The following CSMD2 variants were observed in gnomAD, a reference collection of about 807,000 sequenced individuals.
The protein encoded by CSMD2 is CUB and Sushi multiple domains 2, also known as CUB and sushi domain-containing protein 2.
CSMD2 carries 130 observed loss-of-function variants against 398.5 expected under a neutral mutation model. The observed-to-expected ratio is 0.33, with a 90% CI of 0.28 to 0.38. CSMD2 has a LOEUF of 0.38. Ranked by LOEUF, CSMD2 falls within the 10% of genes least tolerant of loss-of-function variation. The pLI is 1.00. For missense variants in CSMD2, 3,829 were observed against 4,764.9 expected, an observed-to-expected ratio of 0.80 and a Z score of 5.78; for synonymous variants, 1,828 against 1,908.5, an observed-to-expected ratio of 0.96 and a Z score of 1.10.
chr1:33,821,849 G>T (rs1658191767), intron 7 of CSMD2, among the ~76,000 whole-genome samples: 1 of 152,162 alleles, frequency 6.6e-6, no homozygotes, highest in Non-Finnish European at 1.5e-5. Context: ...CATCGAACAT[G>T]GACCTTCTGA....
chr1:34,153,212 A>T (rs1027630444), intron 1 of CSMD2, among the ~76,000 whole-genome samples: 3 of 152,008 alleles, frequency 2.0e-5, no homozygotes, highest in African/African-American at 4.8e-5. Context: ...AGACAGAGTT[A>T]CACCATGTTG....
At chr1:33,963,552 G>C (rs769746335) in intron 3 of CSMD2, among the ~76,000 whole-genome samples, 5 of 152,108 alleles carry the variant, frequency 3.3e-5, no homozygotes, top group Non-Finnish European at 7.4e-5. Flanking sequence ...ACCCCATGCA[G>C]TCCCTTTCTC....
At chr1:33,792,152 G>A (rs1654398857) in intron 11 of CSMD2, among the ~76,000 whole-genome samples, 1 of 152,118 alleles carries the variant, frequency 6.6e-6, no homozygotes, top group South Asian at 2.1e-4. Flanking sequence ...AAGGCTCCAG[G>A]TTCATCCACA....
At chr1:33,884,647 A>T (rs75313320) in intron 5 of CSMD2, 8,906 of 152,134 alleles carry the variant, frequency 0.059, 479 homozygotes, top group African/African-American at 0.12. Context: ...TCCATCCTGT[A>T]CTCCAGCAGC....
chr1:33,898,952 C>A (rs763417539), intron 5 of CSMD2, among the ~76,000 whole-genome samples: 4 of 152,192 alleles, frequency 2.6e-5, no homozygotes, highest in Non-Finnish European at 5.9e-5. Flanking sequence ...AGGAAGCAGG[C>A]CTGCCTGTGA....
intron 45 of CSMD2, among the ~76,000 whole-genome samples, 180 bp downstream of exon 45, chr1:33,586,907 CT>C (rs1639118944): frequency 6.6e-6 from 1 of 152,198 alleles, no homozygotes; most frequent in South Asian, 2.1e-4. Flanking sequence ...TCTGCCTCCC[CT>C]TTTGATTTTA....
At chr1:33,598,352 C>T (rs895094173) in intron 44 of CSMD2, among the ~76,000 whole-genome samples, 4 of 152,182 alleles carry the variant, frequency 2.6e-5, no homozygotes, top group South Asian at 2.1e-4. Context: ...TTGAGCCTGC[C>T]GATCTGGGCA....
intron 1 of CSMD2, among the ~76,000 whole-genome samples, chr1:34,091,407 T>C (rs1658542898): frequency 6.6e-6 from 1 of 152,228 alleles, no homozygotes; most frequent in Non-Finnish European, 1.5e-5. Flanking sequence ...ATCTCCATTT[T>C]ACAGACGAAG....
In CSMD2 at chr1:33,724,528, G is replaced by A. The variant is rs1402768076; in HGVS notation, c.2872C>T (p.Pro958Ser). The change falls in exon 18 of 71, where the codon CCC becomes TCC. Residue 958 changes from proline to serine, a missense_variant. This residue lies in a region of CSMD2 where 2,001 missense variants were observed against 2,567.1 expected (regional missense o/e 0.78). Coordinates refer to ENST00000373381, the MANE Select transcript of CSMD2 (RefSeq NM_001281956.2). ...TGGTGTCCCTCACCTTCACAACTGGGCAGGGCCCGGCTCCACTGGAAGTTG... is the reference window on the plus strand; with the variant it reads ...TGGTGTCCCTCACCTTCACAACTGGACAGGGCCCGGCTCCACTGGAAGTTG... ...EPNFQWSRAL[P>S]SCEALCGGFI... 6.2e-7 allele frequency: 1 copy of A among 1,613,706 alleles called. No homozygotes were observed. Among genetic ancestry groups the A allele is most frequent in the African/African-American group, 1.3e-5 (1 of 74,906 alleles).
rs527678643 is a variant in CSMD2, at chr1:34,038,692, GC to G, written c.405-5987del. Among the ~76,000 whole-genome samples, 135 of 152,260 alleles carry G rather than the reference GC, an allele frequency of 8.9e-4. 1 individual carries two copies. The highest frequency in any genetic ancestry group is 2.8e-3 in the African/African-American group (116 of 41,540). On this transcript the variant is annotated intron_variant, in intron 2 of 70. Coordinates refer to ENST00000373381, the MANE Select transcript of CSMD2 (RefSeq NM_001281956.2). ...CTGCTCTGTCTCCTGCCTGGCTCCA[GC>G]CCCCCAGTCTTCTTTGGTCAAGGCC...
intron 29 of CSMD2, among the ~76,000 whole-genome samples, chr1:33,637,824 G>A: frequency 6.6e-6 from 1 of 152,188 alleles, no homozygotes; most frequent in East Asian, 1.9e-4. Context: ...GTGGAGTTAA[G>A]GAGGGAAGAA....
At chr1:33,619,259 G>T (rs998799944) in intron 37 of CSMD2, among the ~76,000 whole-genome samples, 2 of 152,258 alleles carry the variant, frequency 1.3e-5, no homozygotes, top group African/African-American at 4.8e-5. Flanking sequence ...ATGGCCCAGA[G>T]AATGTGGGAG....
chr1:34,010,830 C>T (rs369126703), intron 3 of CSMD2, among the ~76,000 whole-genome samples: 3 of 151,936 alleles, frequency 2.0e-5, no homozygotes, highest in Admixed American at 6.6e-5. Context: ...GTGTTAGCCT[C>T]GGTGAAGGAT....
In CSMD2 at chr1:33,617,844, A is replaced by C. The variant is rs565115205; in HGVS notation, c.5828-227T>G. Among the ~76,000 whole-genome samples the C allele has an allele frequency of 6.6e-5, 10 of 152,280 alleles. No individual in the cohort carries two copies. The South Asian group carries it at 2.1e-3, about 32-fold the overall frequency. Reference sequence around the variant, plus strand: ...CTCAACAGACCAAAGCTCCTTGAGAAGGTGGGTGTGATCCCAGGGGATGCT... The same window carrying C: ...CTCAACAGACCAAAGCTCCTTGAGACGGTGGGTGTGATCCCAGGGGATGCT... On this transcript the variant is annotated intron_variant, in intron 37 of 70. Coordinates refer to ENST00000373381, the MANE Select transcript of CSMD2 (RefSeq NM_001281956.2).
intron 5 of CSMD2, among the ~76,000 whole-genome samples, chr1:33,856,998 C>T (rs1216226992): frequency 6.6e-6 from 1 of 151,912 alleles, no homozygotes; most frequent in Non-Finnish European, 1.5e-5. Flanking sequence ...AAGGTAGACT[C>T]GTAGGCAAAG....
At chr1:33,544,725 A>G (rs1192408274) in intron 57 of CSMD2, among the ~76,000 whole-genome samples, 1 of 152,038 alleles carries the variant, frequency 6.6e-6, no homozygotes, top group Non-Finnish European at 1.5e-5. Flanking sequence ...AGTTAGAAAG[A>G]AAAAATAAGT....
intron 22 of CSMD2, among the ~76,000 whole-genome samples, chr1:33,706,567 GCT>G (rs1645785060): frequency 6.6e-6 from 1 of 152,138 alleles, no homozygotes; most frequent in Admixed American, 6.5e-5. Flanking sequence ...GGGGCAATTA[GCT>G]CTGATTCCGA....
chr1:33,705,934 T>C (rs1226780302), intron 22 of CSMD2, among the ~76,000 whole-genome samples: 1 of 145,194 alleles, frequency 6.9e-6, no homozygotes, highest in Non-Finnish European at 1.5e-5. Flanking sequence ...CTTTATTATT[T>C]AAAAAAAAAA....
intron 44 of CSMD2, among the ~76,000 whole-genome samples, chr1:33,594,180 T>C (rs943673767): frequency 6.6e-6 from 1 of 152,212 alleles, no homozygotes; most frequent in Non-Finnish European, 1.5e-5. Flanking sequence ...CTTTCATACA[T>C]CTTCTCTATT....
Sources: gnomAD v4.1 joint callset for allele counts (sites outside exome capture counted in the v4.1 genomes callset) on GRCh38, gnomAD v4.1.1 for gene constraint, gnomAD v4.1.1 regional missense constraint, MANE v1.5 for transcripts, NCBI Gene and HGNC (gene_info 2026-07-23, HGNC 2026-07-21) for gene names.